KSR2: variants seen among roughly 807,000 people sequenced by gnomAD.
The protein encoded by KSR2 is kinase suppressor of ras 2.
Under a neutral mutation model 107.8 loss-of-function variants are expected in KSR2, and 25 were observed. That is an observed-to-expected ratio of 0.23 (90% CI 0.17 to 0.32). The LOEUF (loss-of-function observed/expected upper bound fraction) is 0.32. Among genes scored for constraint, KSR2 ranks in the 10% least tolerant of loss-of-function variants. KSR2 has a pLI of 1.00. For synonymous variants in KSR2, 480 were observed against 507.0 expected (o/e 0.95, Z 0.71); for missense variants, 887 against 1,268.9 (o/e 0.70, Z 4.57).
At chr12:117,812,845 A>C (rs1891244269) in intron 3 of KSR2, among the ~76,000 whole-genome samples, 1 of 149,926 alleles carries the variant, frequency 6.7e-6, no homozygotes, top group Admixed American at 6.6e-5. Flanking sequence ...AAATAGCCAA[A>C]AAAAAAAAAA....
intron 5 of KSR2, among the ~76,000 whole-genome samples, chr12:117,656,993 T>C (rs1234045038): frequency 8.7e-6 from 1 of 115,106 alleles, no homozygotes; most frequent in Admixed American, 8.1e-5. Context: ...TATATATATA[T>C]ATATATATAT....
intron 3 of KSR2, among the ~76,000 whole-genome samples, chr12:117,793,207 T>C (rs1179750669): frequency 7.5e-6 from 1 of 133,624 alleles, no homozygotes; most frequent in Non-Finnish European, 1.5e-5. Context: ...CACACCAACA[T>C]GCACACACCC....
intron 4 of KSR2, among the ~76,000 whole-genome samples, chr12:117,706,685 C>T (rs1886542450): frequency 6.6e-6 from 1 of 152,048 alleles, no homozygotes; most frequent in Non-Finnish European, 1.5e-5. Flanking sequence ...GGTTGCTCAA[C>T]TCTGTAAATT....
In KSR2 at chr12:117,453,887, G is replaced by A. The variant is rs1436397050; in HGVS notation, c.*13312C>T. 6.6e-6 allele frequency: 1 copy of A among 152,020 alleles called. No individual in the cohort carries two copies. Among genetic ancestry groups the A allele is most frequent in the South Asian group, 2.1e-4 (1 of 4,796 alleles). 9.4% of individuals were successfully genotyped at this position (152,020 alleles called of 1,614,324 possible). A position where few individuals can be genotyped will look rare whatever the true frequency, so the allele number is the denominator to read the frequency against. On this transcript the variant is annotated 3_prime_UTR_variant, in exon 20 of 20. Transcript: ENST00000339824. The stretch of plus-strand genomic sequence containing the variant: ...AGGAAGAATGTTCTGTTTCTATGAG[G>A]GCCTTGGTGGGGTGGGGGCTGGTCT...
chr12:117,740,464 TA>T (rs1013626048), intron 4 of KSR2, among the ~76,000 whole-genome samples: 2 of 68,070 alleles, frequency 2.9e-5, no homozygotes, highest in African/African-American at 7.7e-5. Flanking sequence ...GTACATATAT[TA>T]TATGTAATAT....
At chr12:117,936,307 C>CCT (rs1223671629) in intron 1 of KSR2, among the ~76,000 whole-genome samples, 115 of 152,206 alleles carry the variant, frequency 7.6e-4, no homozygotes, top group African/African-American at 2.7e-3. Flanking sequence ...GGATTACAGG[C>CCT]ATGAGCCACC....
chr12:117,579,024 G>T, intron 7 of KSR2, 95 bp downstream of exon 7: 1 of 866,722 alleles, frequency 1.2e-6, no homozygotes, highest in Non-Finnish European at 1.9e-6. Context: ...TCCCAAGAGT[G>T]AAGAAATCAA....
chr12:117,841,694 T>C (rs1299379456), intron 3 of KSR2, among the ~76,000 whole-genome samples: 1 of 152,132 alleles, frequency 6.6e-6, no homozygotes, highest in Admixed American at 6.5e-5. Flanking sequence ...ACCACTTTTT[T>C]ATGTGGGAAG....
chr12:117,904,998 A>G (rs1894795129), intron 1 of KSR2, among the ~76,000 whole-genome samples: 1 of 152,182 alleles, frequency 6.6e-6, no homozygotes, highest in African/African-American at 2.4e-5. Flanking sequence ...CTTGGCCAAC[A>G]TGATGAAACC....
rs1879477984 is a variant in KSR2 at position 117,579,099 on chromosome 12, T to C, written c.1325+20A>G. ...GACATCGGGTGCTGCGAAAAGTCAC[T>C]GCAGGGCACAGTCACTTACTTGCAG... On this transcript the variant is annotated intron_variant, in intron 7 of 19. Transcript: ENST00000339824. The C allele has an allele frequency of 6.2e-7, 1 of 1,600,352 alleles. No individual in the cohort carries two copies. Among genetic ancestry groups the C allele is most frequent in the Non-Finnish European group, 8.6e-7 (1 of 1,169,346 alleles).
intron 3 of KSR2, among the ~76,000 whole-genome samples, chr12:117,844,378 A>G (rs1892618804): frequency 6.6e-6 from 1 of 152,118 alleles, no homozygotes; most frequent in Admixed American, 6.5e-5. Flanking sequence ...ACTATACCCT[A>G]AAGAGTTAAT....
intron 1 of KSR2, among the ~76,000 whole-genome samples, chr12:117,940,328 T>G (rs1249387919): frequency 6.6e-6 from 1 of 152,222 alleles, no homozygotes. Flanking sequence ...CTCTCTGTTT[T>G]GTAGGTATCT....
chr12:117,896,493 A>C (rs4767640), intron 1 of KSR2, among the ~76,000 whole-genome samples: 58,277 of 142,294 alleles, frequency 0.41, 14,128 homozygotes, highest in East Asian at 0.87. Context: ...GAGTTTTGCT[A>C]TTGTTGCCCA....
intron 3 of KSR2, among the ~76,000 whole-genome samples, chr12:117,790,074 A>G (rs771303456): frequency 6.6e-6 from 1 of 152,146 alleles, no homozygotes; most frequent in African/African-American, 2.4e-5. Flanking sequence ...CCAACTCCAT[A>G]CATAGCACTG....
At position 117,786,653 on chromosome 12, in the gene KSR2, T is replaced by TA. The variant is rs529311287; in HGVS notation, c.473-25130dup. ...CAACATGGTGAAACTCCGTCTCTACTAAAAATACAAAAATTAACTGGGCGT... is the reference window on the plus strand; with the variant it reads ...CAACATGGTGAAACTCCGTCTCTACTAAAAAATACAAAAATTAACTGGGCGT... On this transcript the variant is annotated intron_variant, in intron 3 of 19. Transcript: ENST00000339824. Among the ~76,000 whole-genome samples the TA allele has an allele frequency of 1.2e-3, 189 of 152,096 alleles. 1 individual carries two copies. The highest frequency in any genetic ancestry group is 4.2e-3 in the African/African-American group (176 of 41,520).
At chr12:117,628,956 G>A (rs774241416) in intron 5 of KSR2, among the ~76,000 whole-genome samples, 8 of 152,212 alleles carry the variant, frequency 5.3e-5, no homozygotes, top group Admixed American at 2.6e-4. Context: ...GATCGATCTC[G>A]GACTGCTGCG....
chr12:117,749,282 G>C (rs1888529671), intron 4 of KSR2, among the ~76,000 whole-genome samples: 1 of 151,418 alleles, frequency 6.6e-6, no homozygotes, highest in Middle Eastern at 3.2e-3. Flanking sequence ...TCTGAGAAGT[G>C]GGCAGCCACA....
At chr12:117,612,834 G>A (rs1881676373) in intron 5 of KSR2, among the ~76,000 whole-genome samples, 1 of 152,150 alleles carries the variant, frequency 6.6e-6, no homozygotes, top group South Asian at 2.1e-4. Flanking sequence ...CCCCCATTCT[G>A]TTCTGGTGAT....
rs566843075 is a variant in KSR2, at chr12:117,947,024, C to T, written c.180+21052G>A. On this transcript the variant is annotated intron_variant, in intron 1 of 19. Transcript: ENST00000339824. ...TACTAAAAATACAAAAAAAAATTAG[C>T]TGGGTGTGGTGGTGCATGCCTGTAA... is the stretch of plus-strand genomic sequence containing the variant. Among the ~76,000 whole-genome samples the T allele has an allele frequency of 1.2e-3, 179 of 151,652 alleles. 2 individuals are homozygous for T. Among genetic ancestry groups the T allele is most frequent in the African/African-American group, 3.8e-3 (159 of 41,356 alleles).
Sources: gnomAD v4.1 joint callset for allele counts (sites outside exome capture counted in the v4.1 genomes callset) on GRCh38, gnomAD v4.1.1 for gene constraint, MANE v1.5 for transcripts, NCBI Gene and HGNC (gene_info 2026-07-23, HGNC 2026-07-21) for gene names.